Variants in SHLD1 observed in about 807,000 individuals in gnomAD.
The protein encoded by SHLD1 is shieldin complex subunit 1, also known as RINN1-REV7-interacting novel NHEJ regulator 3.
A neutral mutation model predicts 5.5 loss-of-function variants in SHLD1; 3 were observed. The ratio of observed to expected loss-of-function variants is 0.54; its 90% CI spans 0.25 to 1.40. The LOEUF (loss-of-function observed/expected upper bound fraction) is 1.40, where lower values mean the gene tolerates loss of function less well. Among genes scored for constraint, SHLD1 ranks in the 40% most tolerant of loss-of-function variants. The probability of loss-of-function intolerance (pLI) is 0.15; values close to 1 mark genes in which losing one functional copy is unlikely to be tolerated. For missense variants in SHLD1, 210 were observed against 244.4 expected (o/e 0.86, Z 0.94); for synonymous variants, 92 against 94.3 (o/e 0.98, Z 0.14).
chr20:5,796,139 G>T (rs1318182762), intron 2 of SHLD1, among the ~76,000 whole-genome samples: 2 of 152,232 alleles, frequency 1.3e-5, no homozygotes, highest in East Asian at 3.9e-4. Flanking sequence ...TTAAGGAATA[G>T]AAATTAGAAT....
intron 2 of SHLD1, among the ~76,000 whole-genome samples, chr20:5,793,213 A>C (rs2087166686): frequency 6.6e-6 from 1 of 151,674 alleles, no homozygotes; most frequent in South Asian, 2.1e-4. Context: ...TGGGTCCTCC[A>C]ACTTTTTTTT....
At chr20:5,788,866 T>G (rs1032129501) in intron 2 of SHLD1, among the ~76,000 whole-genome samples, 6 of 152,216 alleles carry the variant, frequency 3.9e-5, no homozygotes, top group African/African-American at 1.4e-4. Context: ...GCTCAGTGGC[T>G]CATGCCTGTA....
chr20:5,839,022 G>A (rs780247065), intron 2 of SHLD1, among the ~76,000 whole-genome samples: 1 of 152,166 alleles, frequency 6.6e-6, no homozygotes, highest in Non-Finnish European at 1.5e-5. Context: ...ACACCATGGA[G>A]ATAGATTGGA....
At chr20:5,845,921 C>T (rs1487972729) in intron 2 of SHLD1, among the ~76,000 whole-genome samples, 3 of 152,088 alleles carry the variant, frequency 2.0e-5, no homozygotes, top group South Asian at 2.1e-4. Flanking sequence ...GGGAAGTGCT[C>T]GGCTGTATCA....
Position 5,764,527 on chromosome 20 carries a change from CAAAAAA to C in SHLD1, c.-4-8319_-4-8314del, listed in dbSNP as rs375996514. 4.5e-5 allele frequency among the ~76,000 whole-genome samples: 5 copies of C among 111,106 alleles called. No homozygotes were observed. In the East Asian group the frequency reaches 7.7e-4, roughly 17 times the overall value. The allele number at this position is 111,106 out of a possible 152,430, so 72.9% of individuals were successfully genotyped here. A position where few individuals can be genotyped will look rare whatever the true frequency, so the allele number is the denominator to read the frequency against. On this transcript the variant is annotated intron_variant, in intron 1 of 2. Transcript: ENST00000303142. The stretch of plus-strand genomic sequence containing the variant: ...TGGGCAATATAGTGAGACCTTGTCT[CAAAAAA>C]AAAAAAAAAAAAAAATTTTGCCAAG...
At chr20:5,778,114 CT>C (rs776358532) in intron 2 of SHLD1, among the ~76,000 whole-genome samples, 4,789 of 111,822 alleles carry the variant, frequency 0.043, 61 homozygotes, top group Non-Finnish European at 0.057. Flanking sequence ...ATCCCTTTTT[CT>C]TTTTTTTTTT....
At chr20:5,817,798 C>T (rs2087556673) in intron 2 of SHLD1, among the ~76,000 whole-genome samples, 1 of 152,188 alleles carries the variant, frequency 6.6e-6, no homozygotes, top group African/African-American at 2.4e-5. Flanking sequence ...CCCTCATCTC[C>T]AGGACTCAGC....
At chr20:5,834,756 G>A (rs577499220) in intron 2 of SHLD1, among the ~76,000 whole-genome samples, 2 of 152,190 alleles carry the variant, frequency 1.3e-5, no homozygotes, top group Admixed American at 6.5e-5. Context: ...ATAAGCAATA[G>A]AATATTATTT....
intron 2 of SHLD1, among the ~76,000 whole-genome samples, chr20:5,796,913 C>T (rs1473210358): frequency 5.3e-5 from 8 of 151,294 alleles, no homozygotes; most frequent in South Asian, 2.1e-4. Context: ...GACTGTAAAT[C>T]GGCATATCAC....
chr20:5,842,645 C>A (rs1009404128), intron 2 of SHLD1, among the ~76,000 whole-genome samples: 1 of 152,166 alleles, frequency 6.6e-6, no homozygotes, highest in Non-Finnish European at 1.5e-5. Context: ...GCATGTTGGA[C>A]CATCTCACTT....
chr20:5,781,622 C>A (rs2086990579), intron 2 of SHLD1, among the ~76,000 whole-genome samples: 1 of 150,640 alleles, frequency 6.6e-6, no homozygotes, highest in African/African-American at 2.4e-5. Flanking sequence ...GGATTACAGG[C>A]ACCCACCACC....
intron 2 of SHLD1, among the ~76,000 whole-genome samples, chr20:5,851,815 G>A (rs1314653685): frequency 3.5e-5 from 5 of 143,254 alleles, no homozygotes; most frequent in African/African-American, 8.9e-5. Context: ...GCCTGGTGGC[G>A]GGGGGGCATT....
chr20:5,832,479 C>CT (rs34260840), intron 2 of SHLD1, among the ~76,000 whole-genome samples: 16,693 of 151,870 alleles, frequency 0.11, 1,052 homozygotes, highest in East Asian at 0.22. Flanking sequence ...ATTTAATTTT[C>CT]TTTTTTAGAG....
At chr20:5,766,271 GAC>G (rs1265625827) in intron 1 of SHLD1, among the ~76,000 whole-genome samples, 1 of 152,152 alleles carries the variant, frequency 6.6e-6, no homozygotes, top group African/African-American at 2.4e-5. Context: ...CCTGTGAAAA[GAC>G]AGGATGTTCT....
chr20:5,789,910 A>T (rs1023634355), intron 2 of SHLD1, among the ~76,000 whole-genome samples: 1 of 152,158 alleles, frequency 6.6e-6, no homozygotes, highest in African/African-American at 2.4e-5. Context: ...CTGACAGATT[A>T]TCTATCCAAC....
At chr20:5,769,364 A>C (rs1248475800) in intron 1 of SHLD1, among the ~76,000 whole-genome samples, 1 of 152,234 alleles carries the variant, frequency 6.6e-6, no homozygotes. Context: ...CTTTCTCATG[A>C]TGAAGAAAAC....
chr20:5,862,047 T>G lies in SHLD1; in HGVS notation c.179-977T>G, dbSNP rs568237759. ...AAGAAAAAAGAGATCTCCTTTTCTC[T>G]TCCTCCTCTTATAAGGATCCTTTCA... is the stretch of plus-strand genomic sequence containing the variant. On this transcript the variant is annotated intron_variant, in intron 2 of 2. Coordinates refer to ENST00000303142, the MANE Select transcript of SHLD1 (RefSeq NM_152504.4). 1.6e-4 allele frequency among the ~76,000 whole-genome samples: 25 copies of G among 152,280 alleles called. No individual in the cohort carries two copies. The South Asian group carries it at 5.2e-3, about 32-fold the overall frequency.
chr20:5,813,945 C>CTTTTTTTTTTTTTTTTTT (rs143110037), intron 2 of SHLD1, among the ~76,000 whole-genome samples: 2 of 79,974 alleles, frequency 2.5e-5, no homozygotes, highest in African/African-American at 4.7e-5. Flanking sequence ...CCTTTTCTTT[C>CTTTTTTTTTTTTTTTTTT]TTTTTTTTTT....
chr20:5,829,127 T>C (rs912681645), intron 2 of SHLD1, among the ~76,000 whole-genome samples: 2 of 152,146 alleles, frequency 1.3e-5, no homozygotes, highest in Non-Finnish European at 2.9e-5. Context: ...CTGCCCGCCT[T>C]GGCCTCCCAA....
Sources: allele counts gnomAD v4.1 joint callset (sites outside exome capture counted in the v4.1 genomes callset), GRCh38; gene constraint gnomAD v4.1.1; transcripts MANE v1.5; gene names NCBI Gene and HGNC (gene_info 2026-07-23, HGNC 2026-07-21).